The following JAZF1 variants were observed in gnomAD, a reference collection of about 807,000 sequenced individuals.
JAZF1 encodes JAZF zinc finger 1.
JAZF1 carries 8 observed loss-of-function variants against 26.4 expected under a neutral mutation model. That is an observed-to-expected ratio of 0.30 (90% confidence interval 0.18 to 0.55). The LOEUF (loss-of-function observed/expected upper bound fraction) is 0.55, where lower values mean the gene tolerates loss of function less well. Among genes scored for constraint, JAZF1 ranks in the 20% least tolerant of loss-of-function variants. JAZF1 has a pLI of 0.94. For synonymous variants in JAZF1, 126 were observed against 122.3 expected (o/e 1.03, Z -0.20); for missense variants, 199 against 322.0 (o/e 0.62, Z 2.92).
chr7:28,133,092 G>A (rs1411002508), intron 1 of JAZF1, among the ~76,000 whole-genome samples: 1 of 152,138 alleles, frequency 6.6e-6, no homozygotes, highest in Non-Finnish European at 1.5e-5. Context: ...CCTCTGACAT[G>A]GATTACTCAT....
At chr7:27,914,816 A>G (rs984393909) in intron 2 of JAZF1, 12 of 471,014 alleles carry the variant, frequency 2.5e-5, no homozygotes, top group Admixed American at 1.2e-4. Context: ...TCCCTACAGG[A>G]AACAGCCTTC....
At position 27,989,769 on chromosome 7, in the gene JAZF1, A is replaced by G. The variant is rs540732166; in HGVS notation, c.188+2140T>C. ...ACACCAGTTAGAATGGCAATCATCA[A>G]AAAGTCAGGAAACAACAGGTGCTGG... On this transcript the variant is annotated intron_variant, in intron 2 of 4. Transcript: ENST00000283928. Among the ~76,000 whole-genome samples the G allele has an allele frequency of 7.2e-5, 11 of 152,320 alleles. No homozygotes were observed. The South Asian group carries it at 2.1e-3, about 29-fold the overall frequency.
chr7:28,053,839 C>T (rs975810733), intron 1 of JAZF1, among the ~76,000 whole-genome samples: 2 of 152,122 alleles, frequency 1.3e-5, no homozygotes, highest in Non-Finnish European at 2.9e-5. Flanking sequence ...GCTAGAGGGC[C>T]TCACAGGACC....
At chr7:28,101,294 T>G (rs547179513) in intron 1 of JAZF1, among the ~76,000 whole-genome samples, 2 of 152,278 alleles carry the variant, frequency 1.3e-5, no homozygotes, top group Non-Finnish European at 2.9e-5. Context: ...ATACCACATA[T>G]TAAACACACC....
chr7:28,131,502 T>C (rs1782793189), intron 1 of JAZF1, among the ~76,000 whole-genome samples: 2 of 152,160 alleles, frequency 1.3e-5, no homozygotes, highest in Admixed American at 1.3e-4. Flanking sequence ...CTTTAAAAAA[T>C]CCTTAAAATT....
intron 1 of JAZF1, among the ~76,000 whole-genome samples, chr7:28,050,707 C>T (rs941754261): frequency 6.6e-6 from 1 of 151,986 alleles, no homozygotes; most frequent in Admixed American, 6.6e-5. Flanking sequence ...AATATGCATT[C>T]TCTTATTGTT....
chr7:27,975,803 T>G (rs188546203), intron 2 of JAZF1, among the ~76,000 whole-genome samples: 2 of 152,140 alleles, frequency 1.3e-5, no homozygotes, highest in Admixed American at 1.3e-4. Flanking sequence ...ACATAAAGAT[T>G]TTTAAAAATG....
intron 1 of JAZF1, among the ~76,000 whole-genome samples, chr7:28,008,622 T>G (rs1782744378): frequency 6.6e-6 from 1 of 152,220 alleles, no homozygotes; most frequent in African/African-American, 2.4e-5. Flanking sequence ...AGGCTTAAAC[T>G]ATACACTAAA....
chr7:27,849,744 T>TACACACACACACACACACACAC (rs1199710288), intron 3 of JAZF1, among the ~76,000 whole-genome samples: 29 of 53,574 alleles, frequency 5.4e-4, no homozygotes, highest in African/African-American at 2.3e-3. Flanking sequence ...TTGGAACCCT[T>TACACACACACACACACACACAC]ACACACAGAC....
chr7:28,034,037 C>A (rs1008380741), intron 1 of JAZF1, among the ~76,000 whole-genome samples: 1 of 152,102 alleles, frequency 6.6e-6, no homozygotes, highest in Admixed American at 6.5e-5. Flanking sequence ...ATCATCACAC[C>A]CAGCTGGAAC....
chr7:28,020,610 T>C (rs1188798908), intron 1 of JAZF1: 2 of 471,154 alleles, frequency 4.2e-6, no homozygotes, highest in Non-Finnish European at 8.8e-6. Flanking sequence ...TCTTCATTTC[T>C]CAGCATTTCA....
intron 4 of JAZF1, 185 bp from the exon 5 acceptor site, chr7:27,833,161 G>C (rs1403417832): frequency 2.1e-5 from 8 of 385,360 alleles, no homozygotes; most frequent in Non-Finnish European, 3.7e-5. Flanking sequence ...CTGTACGGAT[G>C]GTCACACACA....
intron 2 of JAZF1, among the ~76,000 whole-genome samples, chr7:27,988,908 A>G (rs1785829641): frequency 6.9e-6 from 1 of 145,378 alleles, no homozygotes; most frequent in African/African-American, 2.6e-5. Context: ...TTTAAATTAA[A>G]AAGAATCTCT....
At chr7:28,039,669 G>A (rs1448382715) in intron 1 of JAZF1, among the ~76,000 whole-genome samples, 3 of 152,084 alleles carry the variant, frequency 2.0e-5, no homozygotes, top group Non-Finnish European at 2.9e-5. Context: ...TGGAATTATC[G>A]CATAACTAAA....
chr7:27,833,407 A>C (rs965373514), intron 4 of JAZF1, among the ~76,000 whole-genome samples: 3 of 152,218 alleles, frequency 2.0e-5, no homozygotes, highest in African/African-American at 7.2e-5. Flanking sequence ...AAAGTTTAAC[A>C]TATAGAAATT....
intron 1 of JAZF1, among the ~76,000 whole-genome samples, chr7:28,108,389 T>C (rs1179581921): frequency 6.6e-6 from 1 of 152,232 alleles, no homozygotes; most frequent in African/African-American, 2.4e-5. Context: ...TATTACATTT[T>C]GGTGGCAGGA....
chr7:27,912,761 T>A (rs996537116), intron 2 of JAZF1, among the ~76,000 whole-genome samples: 1 of 152,142 alleles, frequency 6.6e-6, no homozygotes, highest in African/African-American at 2.4e-5. Flanking sequence ...CATGTGGCCC[T>A]ACAATGCAGA....
intron 1 of JAZF1, among the ~76,000 whole-genome samples, chr7:28,129,079 C>T (rs1782747849): frequency 6.6e-6 from 1 of 152,016 alleles, no homozygotes; most frequent in Non-Finnish European, 1.5e-5. Flanking sequence ...GGCCAGCTGT[C>T]AGGTCTCCAT....
intron 1 of JAZF1, among the ~76,000 whole-genome samples, chr7:28,070,955 T>C: frequency 6.6e-6 from 1 of 152,168 alleles, no homozygotes; most frequent in East Asian, 1.9e-4. Context: ...AGACATTCAA[T>C]AAATTTGATT....
Sources: gnomAD v4.1 joint callset for allele counts (sites outside exome capture counted in the v4.1 genomes callset) on GRCh38, gnomAD v4.1.1 for gene constraint, MANE v1.5 for transcripts, NCBI Gene and HGNC (gene_info 2026-07-23, HGNC 2026-07-21) for gene names.